Variants in NR4A1 observed in about 807,000 individuals in gnomAD.
NR4A1 encodes nuclear receptor subfamily 4immunitygroup A member 1.
In NR4A1, 24 loss-of-function variants were observed where a neutral mutation model predicts 47.5. That is an observed-to-expected ratio of 0.50 (90% CI 0.37 to 0.71). NR4A1 has a LOEUF of 0.71. NR4A1 is among the 30% of genes least tolerant of loss of function. NR4A1 has a pLI of 0.00. For missense variants in NR4A1, 669 were observed against 788.6 expected (o/e 0.85, Z 1.82); for synonymous variants, 353 against 345.7 (o/e 1.02, Z -0.24).
At chr12:52,051,635 G>C (rs1281828233) in intron 1 of NR4A1, 67 bp downstream of exon 1, 1 of 956,702 alleles carries the variant, frequency 1.0e-6, no homozygotes, top group East Asian at 1.2e-4. Context: ...GGGTGTACGC[G>C]CGGGCAGAGA....
chr12:52,053,314 C>G (rs1338912050), intron 1 of NR4A1: 1 of 152,158 alleles, frequency 6.6e-6, no homozygotes, highest in Non-Finnish European at 1.5e-5. Context: ...CCTCTGGATT[C>G]TTCAGGGCAC....
At chr12:52,022,955 G>A in intron 1 of NR4A1, 1 of 152,470 alleles carries the variant, frequency 6.6e-6, no homozygotes, top group Non-Finnish European at 1.5e-5. Flanking sequence ...TATGGGTGGC[G>A]GCGAGGGAGG....
rs1939255291 is a variant in NR4A1, at chr12:52,056,087, G to A, written c.934G>A (p.Asp312Asn). 1.2e-6 allele frequency: 2 copies of A among 1,611,850 alleles called. No homozygotes were observed. The highest frequency in any genetic ancestry group is 1.7e-5 in the Admixed American group (1 of 59,568). Residue 312 changes from aspartate (D) to asparagine (N), a missense_variant, in exon 3 of 7, where the codon GAC (aspartate) becomes AAC (asparagine). Coordinates refer to ENST00000394825, the MANE Select transcript of NR4A1 (RefSeq NM_173157.3). Reference sequence around the variant, plus strand: ...CCTGGCTAACAAGGACTGCCCTGTGGACAAGAGGCGGCGAAACCGCTGCCA... The same window carrying A: ...CCTGGCTAACAAGGACTGCCCTGTGAACAAGAGGCGGCGAAACCGCTGCCA... ...ICLANKDCPV[D>N]KRRRNRCQFC...
At chr12:52,050,888 G>A (rs1448104932), upstream of NR4A1, among the ~76,000 whole-genome samples, 2 of 152,190 alleles carry the variant, frequency 1.3e-5, no homozygotes, top group East Asian at 1.9e-4. Flanking sequence ...CGGCAGCAGC[G>A]ACACCCTAGG....
upstream of NR4A1, among the ~76,000 whole-genome samples, chr12:52,049,884 G>A (rs764420856): frequency 2.6e-4 from 39 of 152,214 alleles, no homozygotes; most frequent in Middle Eastern, 3.4e-3. Flanking sequence ...AGACAAGGGT[G>A]TGGGAAAACT....
chr12:52,033,605 C>T (rs1163277370), intron 1 of NR4A1, among the ~76,000 whole-genome samples: 1 of 152,166 alleles, frequency 6.6e-6, no homozygotes, highest in African/African-American at 2.4e-5. Flanking sequence ...CGTGGAAGTG[C>T]TTCGAAAACA....
rs140373610 is a variant in NR4A1 at position 52,054,559 on chromosome 12, A to G, written c.231A>G (p.Pro77=). 1,793 of 1,613,918 alleles carry G rather than the reference A, an allele frequency of 1.1e-3. 1 individual carries two copies. The highest frequency in any genetic ancestry group is 1.2e-3 in the Non-Finnish European group (1,443 of 1,179,972). ...FLYQLPGTVQ[P]CSSASSSASS... is the part of the protein sequence containing the mutation. ...ACCAGCTGCCAGGAACAGTCCAGCC[A>G]TGCTCCTCAGCCTCCTCCTCGGCCT... The change falls in exon 2 of 7, where the codon CCA becomes CCG. Residue 77 remains proline, a synonymous_variant. Transcript: ENST00000394825.
At chr12:52,052,300 T>TGA (rs1390206746) in intron 1 of NR4A1, among the ~76,000 whole-genome samples, 8 of 135,662 alleles carry the variant, frequency 5.9e-5, no homozygotes, top group South Asian at 2.4e-4. Flanking sequence ...TGTGTGTGTG[T>TGA]GTGTGAGAGA....
intron 1 of NR4A1, chr12:52,037,360 C>A (rs988174362): frequency 2.0e-6 from 2 of 985,616 alleles, no homozygotes; most frequent in Non-Finnish European, 2.4e-6. Context: ...ATGGGCGCCC[C>A]TGCGGTGCAG....
upstream of NR4A1, among the ~76,000 whole-genome samples, chr12:52,047,563 C>A (rs1447654098): frequency 6.6e-6 from 1 of 152,254 alleles, no homozygotes; most frequent in Non-Finnish European, 1.5e-5. Context: ...CCCCTGCAAG[C>A]ATGACCAGGT....
intron 1 of NR4A1, chr12:52,054,015 C>T (rs568767036): frequency 9.0e-5 from 31 of 345,496 alleles, no homozygotes; most frequent in African/African-American, 6.3e-4. Context: ...ACACAGCTTC[C>T]CCCTGTTCTA....
chr12:52,048,724 C>T (rs1938778768), upstream of NR4A1, among the ~76,000 whole-genome samples: 1 of 152,212 alleles, frequency 6.6e-6, no homozygotes, highest in African/African-American at 2.4e-5. Context: ...CCCAGCAAGA[C>T]TTGCTGTGTG....
At chr12:52,023,379 G>C (rs1292004333) in intron 1 of NR4A1, among the ~76,000 whole-genome samples, 3 of 152,196 alleles carry the variant, frequency 2.0e-5, no homozygotes, top group Admixed American at 6.5e-5. Context: ...CGCCGCGAGT[G>C]GGGTGGGAGC....
Position 52,055,056 on chromosome 12 carries a change from C to G in NR4A1, c.728C>G (p.Ser243Trp), listed in dbSNP as rs375991594. The G allele has an allele frequency of 1.2e-6, 2 of 1,614,216 alleles. No homozygotes were observed. The highest frequency in any genetic ancestry group is 1.7e-5 in the Admixed American group (1 of 60,028). ...LAPTSPHLEG[S>W]GILDTPVTST... ...CCCACTTCTCCACACCTTGAGGGCT[C>G]GGGGATACTGGATACACCCGTGACC... Residue 243 changes from serine to tryptophan, a missense_variant, in exon 2 of 7, where the codon TCG becomes TGG. Transcript: ENST00000394825.
chr12:52,055,251 G>T, intron 2 of NR4A1, 47 bp downstream of exon 2: 1 of 1,601,022 alleles, frequency 6.2e-7, no homozygotes, highest in Non-Finnish European at 8.5e-7. Context: ...ATGGAGAGAG[G>T]CTGGCCTCAT....
At chr12:52,042,719 G>A (rs1356824014) in intron 2 of NR4A1, among the ~76,000 whole-genome samples, 2 of 152,204 alleles carry the variant, frequency 1.3e-5, no homozygotes, top group African/African-American at 2.4e-5. Flanking sequence ...CTGATCTGGG[G>A]CTGAGAGGTG....
chr12:52,054,226 C>G, intron 1 of NR4A1, 101 bp from the exon 2 acceptor site: 1 of 1,013,226 alleles, frequency 9.9e-7, no homozygotes, highest in Non-Finnish European at 1.4e-6. Flanking sequence ...GGCTGGGATT[C>G]CTGCCACCTT....
At chr12:52,049,751 C>T (rs1368520536), upstream of NR4A1, among the ~76,000 whole-genome samples, 1 of 152,150 alleles carries the variant, frequency 6.6e-6, no homozygotes. Context: ...GCAAATGGGG[C>T]ATCAGGAGCC....
At chr12:52,043,169 G>A (rs1938501647) in intron 2 of NR4A1, among the ~76,000 whole-genome samples, 1 of 152,178 alleles carries the variant, frequency 6.6e-6, no homozygotes, top group African/African-American at 2.4e-5. Flanking sequence ...CCAACCTCGG[G>A]CTGAAGACAG....
Sources: gnomAD v4.1 joint callset for allele counts (sites outside exome capture counted in the v4.1 genomes callset) on GRCh38, gnomAD v4.1.1 for gene constraint, MANE v1.5 for transcripts, NCBI Gene and HGNC (gene_info 2026-07-23, HGNC 2026-07-21) for gene names.